FAM83A: variants seen among roughly 807,000 people sequenced by gnomAD.
FAM83A encodes scaffolding CK1 anchoring protein A.
A neutral mutation model predicts 24.4 loss-of-function variants in FAM83A; 21 were observed. The ratio of observed to expected loss-of-function variants is 0.86; its 90% CI spans 0.61 to 1.24. FAM83A has a LOEUF of 1.24. Ranked by LOEUF, FAM83A falls within the 50% of genes most tolerant of loss-of-function variation. The pLI, the probability that FAM83A is intolerant of heterozygous loss-of-function variation, is 0.00. For missense variants in FAM83A, 617 were observed against 579.8 expected, an observed-to-expected ratio of 1.06 and a Z score of -0.66; for synonymous variants, 270 against 252.4, an observed-to-expected ratio of 1.07 and a Z score of -0.66.
At chr8:123,191,707 C>T in intron 1 of FAM83A, 96 bp from the exon 2 acceptor site, 1 of 1,324,494 alleles carries the variant, frequency 7.6e-7, no homozygotes. Context: ...ATGGGAACAG[C>T]TCTCCCAGGC....
chr8:123,185,359 A>C (rs1019270578), intron 1 of FAM83A, among the ~76,000 whole-genome samples: 1 of 152,142 alleles, frequency 6.6e-6, no homozygotes, highest in Non-Finnish European at 1.5e-5. Context: ...AGCTGCTCGA[A>C]GGGTGAGGAA....
chr8:123,181,578 G>A (rs943139387), upstream of FAM83A: 6 of 159,590 alleles, frequency 3.8e-5, no homozygotes, highest in South Asian at 1.8e-4. Context: ...AACTGGCCCC[G>A]GGAGCAGCCC....
At chr8:123,207,777 C>G in exon 4 of FAM83A, 1 of 1,407,450 alleles carries the variant, frequency 7.1e-7, no homozygotes, top group Non-Finnish European at 9.2e-7. Flanking sequence ...TGGCGTTGAG[C>G]CACTTCCCTT....
intron 3 of FAM83A, among the ~76,000 whole-genome samples, chr8:123,194,648 G>A (rs763956558): frequency 2.2e-4 from 34 of 151,918 alleles, no homozygotes; most frequent in Non-Finnish European, 4.4e-4. Flanking sequence ...CACGCCCAGC[G>A]AATTTTTGTA....
At chr8:123,194,057 T>G in exon 3 of FAM83A, 1 of 1,614,216 alleles carries the variant, frequency 6.2e-7, no homozygotes, top group East Asian at 2.2e-5. Context: ...AGGAGAGATA[T>G]ACTGTGCCAA....
intron 1 of FAM83A, among the ~76,000 whole-genome samples, chr8:123,190,975 C>T (rs7833092): frequency 0.18 from 27,011 of 152,212 alleles, 2,622 homozygotes; most frequent in Admixed American, 0.24. Flanking sequence ...TAACTTAGAT[C>T]ATGTGACCAC....
chr8:123,207,325 G>T (rs770966276), exon 4 of FAM83A: 1 of 1,611,002 alleles, frequency 6.2e-7, no homozygotes, highest in Non-Finnish European at 8.5e-7. Flanking sequence ...GAGCAGCCCC[G>T]GCCAATGGCC....
At chr8:123,185,794 T>C (rs576114078) in intron 1 of FAM83A, among the ~76,000 whole-genome samples, 23 of 152,276 alleles carry the variant, frequency 1.5e-4, no homozygotes, top group Non-Finnish European at 3.2e-4. Context: ...CAATTCACAG[T>C]TTTAATTTCA....
At chr8:123,200,598 C>G (rs1824316779) in intron 3 of FAM83A, among the ~76,000 whole-genome samples, 3 of 152,214 alleles carry the variant, frequency 2.0e-5, no homozygotes, top group Admixed American at 6.5e-5. Context: ...GGGTGGGTCA[C>G]TTGAGGTCAG....
At chr8:123,207,382 C>A (rs757368939) in exon 4 of FAM83A, 2 of 1,611,516 alleles carry the variant, frequency 1.2e-6, no homozygotes, top group East Asian at 2.2e-5. Context: ...CGTCCTCCAA[C>A]CCCTTCAGCG....
chr8:123,203,794 A>G (rs777490922), intron 3 of FAM83A, among the ~76,000 whole-genome samples: 30 of 151,366 alleles, frequency 2.0e-4, no homozygotes, highest in Non-Finnish European at 4.1e-4. Context: ...GAGGCAACAT[A>G]TGGTTAAAAA....
At chr8:123,190,536 A>G (rs1823941075) in intron 1 of FAM83A, among the ~76,000 whole-genome samples, 1 of 151,844 alleles carries the variant, frequency 6.6e-6, no homozygotes, top group Non-Finnish European at 1.5e-5. Flanking sequence ...AAGTGTTGGT[A>G]TTACAGGCGT....
intron 1 of FAM83A, 129 bp downstream of exon 1, chr8:123,183,465 G>T: frequency 7.2e-7 from 1 of 1,389,390 alleles, no homozygotes; most frequent in Non-Finnish European, 9.6e-7. Flanking sequence ...GGATGGAGGG[G>T]CTTTGCTGTC....
At chr8:123,196,266 C>T (rs1030203954) in intron 3 of FAM83A, among the ~76,000 whole-genome samples, 19 of 152,232 alleles carry the variant, frequency 1.2e-4, no homozygotes, top group Admixed American at 1.0e-3. Context: ...CCCACCTCAG[C>T]CCCCCAAAGT....
chr8:123,206,012 G>T (rs959059939), intron 3 of FAM83A, among the ~76,000 whole-genome samples: 7 of 151,774 alleles, frequency 4.6e-5, no homozygotes, highest in African/African-American at 7.3e-5. Context: ...GCGTGGTGGC[G>T]GGCGCCTGTA....
chr8:123,184,439 G>A (rs1221185715), intron 1 of FAM83A, among the ~76,000 whole-genome samples: 1 of 152,130 alleles, frequency 6.6e-6, no homozygotes, highest in African/African-American at 2.4e-5. Context: ...AGATGGAGTA[G>A]GCAGCAGAGG....
chr8:123,191,662 G>A (rs910343098), intron 1 of FAM83A, 141 bp from the exon 2 acceptor site: 1 of 835,112 alleles, frequency 1.2e-6, no homozygotes. Flanking sequence ...TGCCCAGTCA[G>A]ACCCACTCTA....
chr8:123,196,223 A>G (rs531286186), intron 3 of FAM83A, among the ~76,000 whole-genome samples: 34 of 152,244 alleles, frequency 2.2e-4, no homozygotes, highest in Admixed American at 2.0e-3. Context: ...TGATGGCCAT[A>G]CTGGTCTCGA....
rs529333396 is a variant in FAM83A, at chr8:123,187,672, G to A, written c.481-4131G>A. 2.6e-5 allele frequency among the ~76,000 whole-genome samples: 4 copies of A among 152,076 alleles called. No homozygotes were observed. The East Asian group carries it at 5.8e-4, about 22-fold the overall frequency. On this transcript the variant is annotated intron_variant, in intron 1 of 3. Transcript: ENST00000690554. ...AAACACCAATAGCTGTAACCCACAC[G>A]AACAAAAGCTCTTTGAGATCAACAA...
Sources: gnomAD v4.1 joint callset for allele counts (sites outside exome capture counted in the v4.1 genomes callset) on GRCh38, gnomAD v4.1.1 for gene constraint, MANE v1.5 for transcripts, NCBI Gene and HGNC (gene_info 2026-07-23, HGNC 2026-07-21) for gene names.